KIAA1328: variants seen among roughly 807,000 people sequenced by gnomAD.
KIAA1328 encodes the protein KIAA1328, also known as protein hinderin.
In KIAA1328, 52 loss-of-function variants were observed where a neutral mutation model predicts 68.1. The ratio of observed to expected loss-of-function variants is 0.76; its 90% CI spans 0.61 to 0.96. The LOEUF (loss-of-function observed/expected upper bound fraction) is 0.96. KIAA1328 is among the 40% of genes least tolerant of loss of function. KIAA1328 has a pLI of 0.00. For missense variants in KIAA1328, 641 were observed against 677.6 expected (o/e 0.95, Z 0.60); for synonymous variants, 232 against 239.4 (o/e 0.97, Z 0.28).
chr18:36,839,476 G>A (rs2046787590), intron 3 of KIAA1328, among the ~76,000 whole-genome samples: 1 of 152,080 alleles, frequency 6.6e-6, no homozygotes, highest in Non-Finnish European at 1.5e-5. Flanking sequence ...TTGAACATAT[G>A]GAACATAGTT....
At chr18:36,925,476 T>G (rs1363667876) in intron 5 of KIAA1328, among the ~76,000 whole-genome samples, 7 of 152,152 alleles carry the variant, frequency 4.6e-5, no homozygotes, top group Admixed American at 4.6e-4. Context: ...TTGTACAGTA[T>G]AAACAGATCA....
chr18:37,036,633 C>T (rs1469456676), intron 6 of KIAA1328, among the ~76,000 whole-genome samples: 1 of 152,174 alleles, frequency 6.6e-6, no homozygotes, highest in Admixed American at 6.5e-5. Flanking sequence ...CAGCCACCTG[C>T]TCTTTTTATT....
intron 5 of KIAA1328, among the ~76,000 whole-genome samples, chr18:36,925,769 C>T (rs2050093205): frequency 6.6e-6 from 1 of 151,882 alleles, no homozygotes; most frequent in Non-Finnish European, 1.5e-5. Context: ...AAACTCTTGG[C>T]CACAAGTGAT....
chr18:37,153,738 G>A (rs751449294), intron 7 of KIAA1328, among the ~76,000 whole-genome samples: 1 of 142,934 alleles, frequency 7.0e-6, no homozygotes, highest in Non-Finnish European at 1.5e-5. Context: ...GTTTAGGTAT[G>A]ATATGGCCAG....
intron 6 of KIAA1328, among the ~76,000 whole-genome samples, chr18:37,038,277 T>C (rs182588028): frequency 6.6e-6 from 1 of 152,234 alleles, no homozygotes; most frequent in African/African-American, 2.4e-5. Flanking sequence ...AAGAAATAAC[T>C]TGGGGCTGCT....
At chr18:36,959,208 A>C (rs1334191042) in intron 5 of KIAA1328, 100 bp from the exon 6 acceptor site, 1 of 1,132,056 alleles carries the variant, frequency 8.8e-7, no homozygotes, top group Non-Finnish European at 1.2e-6. Context: ...ATATGATTGC[A>C]TTTCTGGTTC....
At chr18:37,166,559 G>A (rs1028692483) in intron 8 of KIAA1328, among the ~76,000 whole-genome samples, 2 of 152,106 alleles carry the variant, frequency 1.3e-5, no homozygotes, top group Admixed American at 6.5e-5. Context: ...TCTTCCCAGC[G>A]TGTCAGCAGT....
At chr18:37,184,256 T>G (rs990600297) in intron 9 of KIAA1328, among the ~76,000 whole-genome samples, 1 of 152,240 alleles carries the variant, frequency 6.6e-6, no homozygotes, top group Admixed American at 6.5e-5. Context: ...CTTCCTTGTA[T>G]TTTCTCCTAT....
chr18:37,022,179 A>G (rs1370597158), intron 6 of KIAA1328, among the ~76,000 whole-genome samples: 1 of 152,176 alleles, frequency 6.6e-6, no homozygotes, highest in Non-Finnish European at 1.5e-5. Context: ...ATTTTAAGAA[A>G]GGCAGACCGG....
At chr18:36,860,203 C>A (rs74573386) in intron 4 of KIAA1328, among the ~76,000 whole-genome samples, 2 of 152,036 alleles carry the variant, frequency 1.3e-5, no homozygotes, top group African/African-American at 4.8e-5. Context: ...ACCATGTGGT[C>A]GTATTTTGAA....
chr18:37,079,898 A>AG (rs1215490312), intron 7 of KIAA1328, among the ~76,000 whole-genome samples: 3 of 152,010 alleles, frequency 2.0e-5, no homozygotes, highest in African/African-American at 7.2e-5. Flanking sequence ...AAAAAAAAAA[A>AG]AAACAGTTCA....
At position 37,222,406 on chromosome 18, in the gene KIAA1328, C is replaced by T. The variant is rs972500339; in HGVS notation, c.*179C>T. On this transcript the variant is annotated 3_prime_UTR_variant, in exon 10 of 10. Coordinates refer to ENST00000280020, the MANE Select transcript of KIAA1328 (RefSeq NM_020776.3). ...ACAACCCAGGTTATTTTCAATCAGA[C>T]CAGGCATTCGATAACACACTAAGGG... The T allele has an allele frequency of 7.0e-7, 1 of 1,433,172 alleles. No homozygotes were observed. The highest frequency in any genetic ancestry group is 9.1e-7 in the Non-Finnish European group (1 of 1,100,322). The allele number at this position is 1,433,172 out of a possible 1,614,324, so 88.8% of individuals were successfully genotyped here. A position where few individuals can be genotyped will look rare whatever the true frequency, so the allele number is the denominator to read the frequency against.
chr18:36,987,160 A>T (rs2151393284), intron 6 of KIAA1328, among the ~76,000 whole-genome samples: 1 of 49,704 alleles, frequency 2.0e-5, no homozygotes, highest in East Asian at 5.6e-4. Context: ...CAGCCATAAA[A>T]AATGATGAGT....
At chr18:37,061,833 AT>A (rs2151711711) in intron 6 of KIAA1328, among the ~76,000 whole-genome samples, 1 of 151,918 alleles carries the variant, frequency 6.6e-6, no homozygotes, top group Non-Finnish European at 1.5e-5. Flanking sequence ...CCCATCTTGA[AT>A]TTTTCTGTTA....
At chr18:36,911,740 C>CTTT (rs1266808085) in intron 5 of KIAA1328, among the ~76,000 whole-genome samples, 1 of 152,134 alleles carries the variant, frequency 6.6e-6, no homozygotes, top group African/African-American at 2.4e-5. Flanking sequence ...GATCAAATTA[C>CTTT]TTTTTAAAGC....
chr18:37,118,441 T>A (rs531883707), intron 7 of KIAA1328, among the ~76,000 whole-genome samples: 3 of 152,248 alleles, frequency 2.0e-5, no homozygotes, highest in Admixed American at 2.0e-4. Context: ...GGAATTGGGT[T>A]GTTGTAGTTT....
intron 7 of KIAA1328, among the ~76,000 whole-genome samples, chr18:37,138,021 C>T (rs1174196293): frequency 6.6e-6 from 1 of 152,150 alleles, no homozygotes; most frequent in Non-Finnish European, 1.5e-5. Flanking sequence ...ACATCTATCT[C>T]TTCAGCTAGT....
At chr18:37,160,739 G>C (rs1442318938) in intron 8 of KIAA1328, among the ~76,000 whole-genome samples, 2 of 152,182 alleles carry the variant, frequency 1.3e-5, no homozygotes, top group African/African-American at 4.8e-5. Flanking sequence ...AACAACTACA[G>C]TTAATCCTCA....
At chr18:37,076,647 G>A (rs2056747524) in intron 7 of KIAA1328, among the ~76,000 whole-genome samples, 1 of 151,600 alleles carries the variant, frequency 6.6e-6, no homozygotes, top group South Asian at 2.1e-4. Flanking sequence ...AATGATCAAG[G>A]GGATATCACC....
Sources: allele counts gnomAD v4.1 joint callset (sites outside exome capture counted in the v4.1 genomes callset), GRCh38; gene constraint gnomAD v4.1.1; transcripts MANE v1.5; gene names NCBI Gene and HGNC (gene_info 2026-07-23, HGNC 2026-07-21).